Variants in COX7A2 observed in about 807,000 individuals in gnomAD.
The protein encoded by COX7A2 is cytochrome c oxidase subunit 7A2.
Under a neutral mutation model 11.6 loss-of-function variants are expected in COX7A2, and 11 were observed. The ratio of observed to expected loss-of-function variants is 0.95; its 90% confidence interval spans 0.60 to 1.57. The LOEUF is 1.57. Ranked by LOEUF, COX7A2 falls within the 40% of genes most tolerant of loss-of-function variation. COX7A2 has a pLI of 0.00. For synonymous variants in COX7A2, 30 were observed against 38.2 expected (o/e 0.78, Z 0.79); for missense variants, 106 against 100.9 (o/e 1.05, Z -0.22).
chr6:75,238,534 G>C (rs1287503832), intron 3 of COX7A2, among the ~76,000 whole-genome samples: 1 of 151,646 alleles, frequency 6.6e-6, no homozygotes, highest in East Asian at 2.0e-4. Flanking sequence ...GAGAAACCCT[G>C]TCTCTACTAA....
intron 3 of COX7A2, among the ~76,000 whole-genome samples, chr6:75,238,501 A>G (rs1771385794): frequency 6.6e-6 from 1 of 151,946 alleles, no homozygotes; most frequent in Admixed American, 6.5e-5. Context: ...TGAGGTCAGG[A>G]GTTCGAGACC....
intron 3 of COX7A2, 74 bp from the exon 4 acceptor site, chr6:75,238,062 C>A: frequency 1.9e-6 from 2 of 1,061,424 alleles, no homozygotes; most frequent in Non-Finnish European, 2.5e-6. Flanking sequence ...TATTCCAGTT[C>A]AAAAGTTGTA....
chr6:75,243,296 C>T (rs774790601), intron 1 of COX7A2, among the ~76,000 whole-genome samples: 3 of 152,104 alleles, frequency 2.0e-5, no homozygotes, highest in Non-Finnish European at 4.4e-5. Flanking sequence ...TTCTCAAGCT[C>T]GCAAAGCTCA....
At chr6:75,238,369 A>AG (rs1171810822) in intron 3 of COX7A2, among the ~76,000 whole-genome samples, 1 of 151,944 alleles carries the variant, frequency 6.6e-6, no homozygotes, top group East Asian at 1.9e-4. Flanking sequence ...ATGTAAAAAA[A>AG]AAGAGTGATA....
At chr6:75,245,791 C>G (rs1009123993), upstream of COX7A2, among the ~76,000 whole-genome samples, 11 of 152,122 alleles carry the variant, frequency 7.2e-5, no homozygotes, top group African/African-American at 2.7e-4. Flanking sequence ...AACTGTCAAT[C>G]TCAATTTTCA....
At chr6:75,246,168 A>C (rs372838497), upstream of COX7A2, among the ~76,000 whole-genome samples, 9 of 152,320 alleles carry the variant, frequency 5.9e-5, no homozygotes, top group South Asian at 4.1e-4. Context: ...ACTCTCACTT[A>C]TCTCTCGCCT....
rs1464431221 is a variant in COX7A2, at chr6:75,240,338, G to A, written c.156C>T (p.Ala52=). The A allele has an allele frequency of 1.2e-6, 2 of 1,609,520 alleles. No homozygotes were observed. Among genetic ancestry groups the A allele is most frequent in the East Asian group, 2.2e-5 (1 of 44,760 alleles). ...PLYLKGGVAD[A]LLYRATMILT... ...GAATCATGGTGGCTCTATACAGGAGGGCATCAGCTACCCCACCCTTTAGAT... is the reference window on the plus strand; with the variant it reads ...GAATCATGGTGGCTCTATACAGGAGAGCATCAGCTACCCCACCCTTTAGAT... Residue 52 remains alanine, a synonymous_variant, in exon 3 of 4, where the codon GCC becomes GCT. Transcript: ENST00000684430.
At chr6:75,249,269 A>G (rs1771743780) in intron 1 of COX7A2, among the ~76,000 whole-genome samples, 1 of 152,206 alleles carries the variant, frequency 6.6e-6, no homozygotes, top group Admixed American at 6.5e-5. Flanking sequence ...AAGGTCTGGT[A>G]GAATAAATGG....
intron 1 of COX7A2, among the ~76,000 whole-genome samples, 187 bp from the exon 2 acceptor site, chr6:75,241,452 C>T (rs1582261442): frequency 6.6e-6 from 1 of 152,220 alleles, no homozygotes. Flanking sequence ...CTTCGAATTA[C>T]ATTCTGCAGT....
chr6:75,249,459 G>C (rs1423789786), intron 1 of COX7A2, among the ~76,000 whole-genome samples: 1 of 152,200 alleles, frequency 6.6e-6, no homozygotes, highest in African/African-American at 2.4e-5. Context: ...CTGCCATTTA[G>C]TGGTAGTGAC....
chr6:75,239,974 G>A (rs528360069), intron 3 of COX7A2, among the ~76,000 whole-genome samples: 3 of 152,222 alleles, frequency 2.0e-5, no homozygotes, highest in East Asian at 1.9e-4. Context: ...GGTGGTGCAC[G>A]CCTGTAATCC....
At chr6:75,243,883 G>T, upstream of COX7A2, 1 of 1,539,646 alleles carries the variant, frequency 6.5e-7, no homozygotes, top group Non-Finnish European at 8.9e-7. Context: ...CCTAACCATA[G>T]AGAGCAAAAG....
upstream of COX7A2, among the ~76,000 whole-genome samples, chr6:75,247,790 A>ATT: frequency 6.6e-6 from 1 of 152,094 alleles, no homozygotes; most frequent in Non-Finnish European, 1.5e-5. Context: ...TTAACCCTGT[A>ATT]TATTATGACT....
rs1432259702 is a variant in COX7A2, at chr6:75,238,008, A to G, written c.194-20T>C. 6.7e-7 allele frequency: 1 copy of G among 1,498,628 alleles called. No homozygotes were observed. The highest frequency in any genetic ancestry group is 9.0e-7 in the Non-Finnish European group (1 of 1,112,230). The allele number at this position is 1,498,628 out of a possible 1,614,324, so 92.8% of individuals were successfully genotyped here. On this transcript the variant is annotated intron_variant, in intron 3 of 3. Transcript: ENST00000684430. ...CTGTTCCTAAAAATAAAAAACAAAAAAGAACTTAACCATAAATTCTAAGAT... is the reference window on the plus strand; with the variant it reads ...CTGTTCCTAAAAATAAAAAACAAAAGAGAACTTAACCATAAATTCTAAGAT...
upstream of COX7A2, among the ~76,000 whole-genome samples, chr6:75,248,497 G>A (rs1771724954): frequency 6.6e-6 from 1 of 152,202 alleles, no homozygotes; most frequent in South Asian, 2.1e-4. Flanking sequence ...TAGCCTGGAA[G>A]TCCCCCGCTT....
upstream of COX7A2, among the ~76,000 whole-genome samples, chr6:75,244,801 A>G (rs570087852): frequency 8.3e-4 from 126 of 152,302 alleles, no homozygotes; most frequent in Middle Eastern, 3.4e-3. Context: ...CTGTATGTCA[A>G]TGGGCCCACC....
At position 75,243,767 on chromosome 6, in the gene COX7A2, T is replaced by C. The variant is rs1417593361; in HGVS notation, c.-33A>G. ...GTTACTGACCAGCAACCGCCACAACTGAACACCACCAACGAAAATGGCCAC... is the reference window on the plus strand; with the variant it reads ...GTTACTGACCAGCAACCGCCACAACCGAACACCACCAACGAAAATGGCCAC... On this transcript the variant is annotated 5_prime_UTR_variant, in exon 1 of 4. Coordinates refer to ENST00000684430, the MANE Select transcript of COX7A2 (RefSeq NM_001366293.2). 6 of 1,614,068 alleles carry C rather than the reference T, an allele frequency of 3.7e-6. No homozygotes were observed. The highest frequency in any genetic ancestry group is 1.1e-5 in the South Asian group (1 of 91,080).
upstream of COX7A2, chr6:75,243,995 C>T (rs117825852): frequency 1.7e-6 from 1 of 590,862 alleles, no homozygotes; most frequent in East Asian, 3.0e-5. Context: ...AGGCTGGTCC[C>T]TGGAGCTAAG....
chr6:75,247,828 G>A (rs1771713161), upstream of COX7A2, among the ~76,000 whole-genome samples: 1 of 152,050 alleles, frequency 6.6e-6, no homozygotes, highest in South Asian at 2.1e-4. Flanking sequence ...CTGGCATAAG[G>A]AGGAAGAAAA....
Sources: allele counts gnomAD v4.1 joint callset (sites outside exome capture counted in the v4.1 genomes callset), GRCh38; gene constraint gnomAD v4.1.1; transcripts MANE v1.5; gene names NCBI Gene and HGNC (gene_info 2026-07-23, HGNC 2026-07-21).